The following SSBP2 variants were observed in gnomAD, a reference collection of about 807,000 sequenced individuals.
SSBP2 encodes the protein single stranded DNA binding protein 2, also known as single-stranded DNA-binding protein 2.
SSBP2 carries 17 observed loss-of-function variants against 61.8 expected under a neutral mutation model. The ratio of observed to expected loss-of-function variants is 0.28; its 90% CI spans 0.19 to 0.41. SSBP2 has a LOEUF of 0.41. SSBP2 is among the 10% of genes least tolerant of loss of function. SSBP2 has a pLI of 1.00. For synonymous variants in SSBP2, 139 were observed against 141.3 expected (o/e 0.98, Z 0.12); for missense variants, 310 against 458.7 (o/e 0.68, Z 2.96).
chr5:81,750,794 C>G (rs1173725517), intron 1 of SSBP2, 187 bp downstream of exon 1: 2 of 656,998 alleles, frequency 3.0e-6, no homozygotes, highest in East Asian at 5.9e-5. Context: ...GCCCGCCCAG[C>G]GCCCGCACCT....
chr5:81,564,037 T>C (rs945224387), intron 4 of SSBP2, among the ~76,000 whole-genome samples: 8 of 151,966 alleles, frequency 5.3e-5, no homozygotes, highest in African/African-American at 1.9e-4. Flanking sequence ...TACCACACAA[T>C]AGCAAAAGAA....
intron 2 of SSBP2, among the ~76,000 whole-genome samples, chr5:81,638,699 T>C (rs1040790596): frequency 1.3e-5 from 2 of 152,190 alleles, no homozygotes; most frequent in Non-Finnish European, 1.5e-5. Context: ...TCAAAGTATT[T>C]AGGGTTGTGC....
At chr5:81,422,612 G>C (rs1761682735) in intron 16 of SSBP2, among the ~76,000 whole-genome samples, 1 of 152,136 alleles carries the variant, frequency 6.6e-6, no homozygotes, top group Admixed American at 6.5e-5. Flanking sequence ...CCTGTATGTA[G>C]GATTATAGTG....
intron 2 of SSBP2, among the ~76,000 whole-genome samples, chr5:81,642,477 T>C (rs1173467891): frequency 6.6e-6 from 1 of 152,228 alleles, no homozygotes; most frequent in African/African-American, 2.4e-5. Flanking sequence ...GTTTTTATCA[T>C]ATGATCTAAC....
At chr5:81,729,442 T>G (rs2153987238) in intron 1 of SSBP2, among the ~76,000 whole-genome samples, 1 of 152,308 alleles carries the variant, frequency 6.6e-6, no homozygotes, top group South Asian at 2.1e-4. Flanking sequence ...TAGGTCTAAA[T>G]GATTTCCTAT....
intron 1 of SSBP2, among the ~76,000 whole-genome samples, chr5:81,691,456 T>C (rs1753194356): frequency 1.3e-5 from 2 of 151,848 alleles, no homozygotes; most frequent in Admixed American, 1.3e-4. Flanking sequence ...TTGGAAAACC[T>C]AGAAATGGCC....
chr5:81,482,828 T>C (rs1267893462), intron 6 of SSBP2, among the ~76,000 whole-genome samples: 1 of 152,248 alleles, frequency 6.6e-6, no homozygotes, highest in East Asian at 1.9e-4. Flanking sequence ...CATTGCTGTT[T>C]GGCACAAGAG....
intron 6 of SSBP2, among the ~76,000 whole-genome samples, chr5:81,481,646 TA>T (rs1464814725): frequency 6.9e-6 from 1 of 144,866 alleles, no homozygotes; most frequent in African/African-American, 2.6e-5. Flanking sequence ...AAACTGAAAG[TA>T]AAATTACTCC....
intron 4 of SSBP2, among the ~76,000 whole-genome samples, chr5:81,611,216 C>G (rs543153792): frequency 3.3e-5 from 5 of 152,236 alleles, no homozygotes; most frequent in Non-Finnish European, 7.4e-5. Context: ...CCATCAAAAA[C>G]AAGACAACAT....
At chr5:81,550,922 C>T (rs1049705085) in intron 4 of SSBP2, among the ~76,000 whole-genome samples, 1 of 151,902 alleles carries the variant, frequency 6.6e-6, no homozygotes, top group African/African-American at 2.4e-5. Flanking sequence ...CGATGAAACC[C>T]CGTCTCTACT....
At chr5:81,701,867 C>G (rs1437942547) in intron 1 of SSBP2, among the ~76,000 whole-genome samples, 1 of 152,114 alleles carries the variant, frequency 6.6e-6, no homozygotes. Flanking sequence ...ATACCATAAA[C>G]CTATCTGACC....
intron 1 of SSBP2, among the ~76,000 whole-genome samples, chr5:81,724,278 CTCT>C (rs1249772322): frequency 6.6e-6 from 1 of 151,922 alleles, no homozygotes; most frequent in Non-Finnish European, 1.5e-5. Context: ...CATGGTAATT[CTCT>C]TCTATTAGTT....
At chr5:81,690,667 C>A (rs958749271) in intron 1 of SSBP2, among the ~76,000 whole-genome samples, 1 of 152,092 alleles carries the variant, frequency 6.6e-6, no homozygotes. Flanking sequence ...TTTGACAGAT[C>A]GTTCAGACAA....
At chr5:81,749,499 G>A (rs766493458) in intron 1 of SSBP2, among the ~76,000 whole-genome samples, 6 of 152,062 alleles carry the variant, frequency 3.9e-5, no homozygotes, top group Admixed American at 3.9e-4. Flanking sequence ...TTTTATTTAC[G>A]CAGCTATTTC....
rs1761225718 is a variant in SSBP2 at position 81,414,154 on chromosome 5, A to G, written c.*6350T>C. 1 of 152,190 alleles carries G rather than the reference A, an allele frequency of 6.6e-6. No homozygotes were observed. The highest frequency in any genetic ancestry group is 1.5e-5 in the Non-Finnish European group (1 of 68,002). 9.4% of individuals were successfully genotyped at this position (152,190 alleles called of 1,614,324 possible). On this transcript the variant is annotated 3_prime_UTR_variant, in exon 17 of 17. Coordinates refer to ENST00000320672, the MANE Select transcript of SSBP2 (RefSeq NM_012446.5). Reference sequence around the variant, plus strand: ...CATTTTAATGACTGGGATAAGCAAAATGAGTCCAACCTTTATTCTGATAAT... The same window carrying G: ...CATTTTAATGACTGGGATAAGCAAAGTGAGTCCAACCTTTATTCTGATAAT...
chr5:81,684,363 G>T (rs1752613898), intron 1 of SSBP2, among the ~76,000 whole-genome samples: 1 of 152,142 alleles, frequency 6.6e-6, no homozygotes, highest in South Asian at 2.1e-4. Flanking sequence ...TGAACTGCAT[G>T]GTTCAAATTA....
In SSBP2 at chr5:81,649,783, T is replaced by TA. The variant is rs904764387; in HGVS notation, c.135+483dup. Among the ~76,000 whole-genome samples the TA allele has an allele frequency of 6.1e-3, 868 of 141,938 alleles. 6 individuals are homozygous for TA. The highest frequency in any genetic ancestry group is 0.02 in the African/African-American group (784 of 38,828). The allele number at this position is 141,938 out of a possible 152,430, so 93.1% of individuals were successfully genotyped here. On this transcript the variant is annotated intron_variant, in intron 2 of 16. Transcript: ENST00000320672. ...CCTTATCTAAAATAAAAGTTGAAAT[T>TA]AAAAAAAAAAAGAAAGAAAGTGAAG...
intron 4 of SSBP2, among the ~76,000 whole-genome samples, chr5:81,595,608 C>T (rs1743651614): frequency 6.6e-6 from 1 of 152,288 alleles, no homozygotes; most frequent in Admixed American, 6.5e-5. Flanking sequence ...TACTGGCAAA[C>T]TGAATCCAGC....
rs1175336054 is a variant in SSBP2 at position 81,630,858 on chromosome 5, C to T, written c.197+5699G>A. Among the ~76,000 whole-genome samples, 3 of 150,642 alleles carry T rather than the reference C, an allele frequency of 2.0e-5. No homozygotes were observed. In the East Asian group the frequency reaches 5.8e-4, roughly 29 times the overall value. ...GGAATAAGTTAAATTCATGAGAAAGCATGTAAAAGAGAAAGAGGTGTAAGA... is the reference window on the plus strand; with the variant it reads ...GGAATAAGTTAAATTCATGAGAAAGTATGTAAAAGAGAAAGAGGTGTAAGA... On this transcript the variant is annotated intron_variant, in intron 3 of 16. Transcript: ENST00000320672.
Sources: gnomAD v4.1 joint callset for allele counts (sites outside exome capture counted in the v4.1 genomes callset) on GRCh38, gnomAD v4.1.1 for gene constraint, MANE v1.5 for transcripts, NCBI Gene and HGNC (gene_info 2026-07-23, HGNC 2026-07-21) for gene names.